SEMA5A: variants seen among roughly 807,000 people sequenced by gnomAD.
The protein encoded by SEMA5A is semaphorin 5A.
SEMA5A carries 55 observed loss-of-function variants against 135.5 expected under a neutral mutation model. The ratio of observed to expected loss-of-function variants is 0.41; its 90% CI spans 0.33 to 0.51. SEMA5A has a LOEUF of 0.51. SEMA5A is among the 20% of genes least tolerant of loss of function. The probability of loss-of-function intolerance (pLI) is 0.37; values close to 1 mark genes in which losing one functional copy is unlikely to be tolerated. For synonymous variants in SEMA5A, 580 were observed against 546.5 expected (o/e 1.06, Z -0.85); for missense variants, 1,290 against 1,419.9 (o/e 0.91, Z 1.47).
intron 2 of SEMA5A, among the ~76,000 whole-genome samples, chr5:9,382,916 T>A (rs1297369642): frequency 6.6e-6 from 1 of 152,118 alleles, no homozygotes; most frequent in Non-Finnish European, 1.5e-5. Context: ...AACATTCAGG[T>A]TGGGCAGAGA....
At chr5:9,479,102 C>T (rs1759778133) in intron 1 of SEMA5A, among the ~76,000 whole-genome samples, 1 of 152,190 alleles carries the variant, frequency 6.6e-6, no homozygotes. Context: ...CCTCACTTCC[C>T]CTTCACCTTC....
intron 2 of SEMA5A, among the ~76,000 whole-genome samples, chr5:9,435,266 A>T (rs2126666191): frequency 6.6e-6 from 1 of 152,286 alleles, no homozygotes; most frequent in Admixed American, 6.5e-5. Context: ...TAAGGGTGCA[A>T]ACTAACAGTG....
At chr5:9,397,887 A>T (rs1756472648) in intron 2 of SEMA5A, among the ~76,000 whole-genome samples, 2 of 152,174 alleles carry the variant, frequency 1.3e-5, no homozygotes, top group Admixed American at 6.5e-5. Flanking sequence ...TTTTAAAATG[A>T]CTAGAATTCT....
chr5:9,146,597 T>C (rs1246546475), intron 12 of SEMA5A, among the ~76,000 whole-genome samples: 2 of 152,214 alleles, frequency 1.3e-5, no homozygotes, highest in Non-Finnish European at 2.9e-5. Flanking sequence ...ACTTTAAAGA[T>C]AAATCGATTT....
At chr5:9,438,621 T>G (rs1758119923) in intron 1 of SEMA5A, among the ~76,000 whole-genome samples, 1 of 152,212 alleles carries the variant, frequency 6.6e-6, no homozygotes, top group African/African-American at 2.4e-5. Flanking sequence ...GCCTGTGACT[T>G]CAAATACTGC....
At chr5:9,110,427 G>A (rs1233405080) in intron 15 of SEMA5A, among the ~76,000 whole-genome samples, 3 of 152,168 alleles carry the variant, frequency 2.0e-5, no homozygotes, top group East Asian at 1.9e-4. Flanking sequence ...ACTAGAGGAC[G>A]CTGGATTGCA....
chr5:9,124,401 A>T (rs1740993555), intron 13 of SEMA5A, among the ~76,000 whole-genome samples: 1 of 152,154 alleles, frequency 6.6e-6, no homozygotes, highest in Non-Finnish European at 1.5e-5. Context: ...AAACCAGCAA[A>T]CAGAGCTCTC....
At chr5:9,368,461 C>T (rs1293457181) in intron 3 of SEMA5A, among the ~76,000 whole-genome samples, 1 of 152,120 alleles carries the variant, frequency 6.6e-6, no homozygotes, top group Non-Finnish European at 1.5e-5. Context: ...AATTTAATGA[C>T]TTTTAACAAA....
At chr5:9,372,108 T>C (rs1755161089) in intron 3 of SEMA5A, among the ~76,000 whole-genome samples, 1 of 152,228 alleles carries the variant, frequency 6.6e-6, no homozygotes, top group Non-Finnish European at 1.5e-5. Context: ...AGAGAAATAC[T>C]GGAAGCAGTT....
chr5:9,534,045 A>C (rs1249525691), intron 1 of SEMA5A, among the ~76,000 whole-genome samples: 1 of 152,200 alleles, frequency 6.6e-6, no homozygotes, highest in African/African-American at 2.4e-5. Flanking sequence ...ATAAACTTTC[A>C]AGAAAGCAGC....
At chr5:9,193,252 T>C (rs1016922512) in intron 10 of SEMA5A, among the ~76,000 whole-genome samples, 7 of 152,174 alleles carry the variant, frequency 4.6e-5, no homozygotes, top group African/African-American at 9.7e-5. Flanking sequence ...TTGCCTTTTA[T>C]GCTGGACTCC....
intron 11 of SEMA5A, among the ~76,000 whole-genome samples, chr5:9,181,084 G>A (rs776122267): frequency 2.6e-5 from 4 of 152,150 alleles, no homozygotes; most frequent in Non-Finnish European, 5.9e-5. Context: ...CTAAGTGAAG[G>A]TGACAGGCAT....
chr5:9,280,870 TTGTATG>T (rs1175607969), intron 5 of SEMA5A: 35 of 401,962 alleles, frequency 8.7e-5, no homozygotes, highest in African/African-American at 6.8e-4. Context: ...CAATAAATAA[TTGTATG>T]TGTATGTGTA....
intron 11 of SEMA5A, among the ~76,000 whole-genome samples, chr5:9,189,920 C>A (rs1462659858): frequency 6.6e-6 from 1 of 152,208 alleles, no homozygotes; most frequent in African/African-American, 2.4e-5. Context: ...GATAATATTT[C>A]ACCCAACAAC....
At chr5:9,235,429 T>C (rs2526114) in intron 6 of SEMA5A, among the ~76,000 whole-genome samples, 30,834 of 152,070 alleles carry the variant, frequency 0.2, 3,621 homozygotes, top group African/African-American at 0.34. Flanking sequence ...TGTCAAAGCA[T>C]AATCTGGCCC....
intron 5 of SEMA5A, among the ~76,000 whole-genome samples, chr5:9,302,180 C>T (rs1449615380): frequency 6.6e-6 from 1 of 152,134 alleles, no homozygotes; most frequent in East Asian, 1.9e-4. Context: ...GAAAAATCTT[C>T]CCATTTCAAG....
At chr5:9,057,992 A>G (rs16881898) in intron 18 of SEMA5A, among the ~76,000 whole-genome samples, 16,890 of 152,148 alleles carry the variant, frequency 0.11, 1,163 homozygotes, top group African/African-American at 0.18. Context: ...AGCCTTCATC[A>G]CAAGGGAGCC....
At chr5:9,110,319 C>A (rs886510552) in intron 15 of SEMA5A, among the ~76,000 whole-genome samples, 2 of 152,076 alleles carry the variant, frequency 1.3e-5, no homozygotes, top group African/African-American at 4.8e-5. Flanking sequence ...TCTCTGGAGC[C>A]CCTGAGATTC....
At chr5:9,063,462 A>G (rs914156893) in intron 17 of SEMA5A, among the ~76,000 whole-genome samples, 4 of 152,210 alleles carry the variant, frequency 2.6e-5, no homozygotes, top group African/African-American at 9.7e-5. Context: ...TTCTACAACA[A>G]ACTGCCCTCA....
Sources: gnomAD v4.1 joint callset for allele counts (sites outside exome capture counted in the v4.1 genomes callset) on GRCh38, gnomAD v4.1.1 for gene constraint, MANE v1.5 for transcripts, NCBI Gene and HGNC (gene_info 2026-07-23, HGNC 2026-07-21) for gene names.